AIG1: variants seen among roughly 807,000 people sequenced by gnomAD.
AIG1 encodes the protein androgen-induced gene 1 protein.
Under a neutral mutation model 31.4 loss-of-function variants are expected in AIG1, and 23 were observed. That is an observed-to-expected ratio of 0.73 (90% confidence interval 0.53 to 1.04). The LOEUF (loss-of-function observed/expected upper bound fraction) is 1.04. Among genes scored for constraint, AIG1 ranks in the 50% least tolerant of loss-of-function variants. The pLI is 0.00. For missense variants in AIG1, 274 were observed against 295.0 expected (o/e 0.93, Z 0.52); for synonymous variants, 100 against 110.5 (o/e 0.90, Z 0.60).
At chr6:143,216,647 T>A (rs1194510917) in intron 3 of AIG1, among the ~76,000 whole-genome samples, 1 of 152,322 alleles carries the variant, frequency 6.6e-6, no homozygotes, top group East Asian at 1.9e-4. Context: ...CAGAACAACA[T>A]AGTACAGATC....
chr6:143,318,207 G>T (rs1775921891), intron 4 of AIG1, among the ~76,000 whole-genome samples: 1 of 151,922 alleles, frequency 6.6e-6, no homozygotes, highest in Non-Finnish European at 1.5e-5. Flanking sequence ...AAATCTGGAG[G>T]CATCACATTA....
At chr6:143,269,550 G>A (rs1490561092) in intron 3 of AIG1, among the ~76,000 whole-genome samples, 1 of 152,150 alleles carries the variant, frequency 6.6e-6, no homozygotes, top group South Asian at 2.1e-4. Flanking sequence ...CTTGCCAAAT[G>A]CACCAAACTG....
At chr6:143,116,938 T>C (rs1287337312) in intron 1 of AIG1, among the ~76,000 whole-genome samples, 3 of 151,998 alleles carry the variant, frequency 2.0e-5, no homozygotes, top group Admixed American at 6.6e-5. Flanking sequence ...CTGTGTTGCA[T>C]AGGACAGTAT....
rs374108255 is a variant in AIG1, at chr6:143,329,847, C to T, written c.516-3435C>T. 1.3e-5 allele frequency among the ~76,000 whole-genome samples: 2 copies of T among 152,182 alleles called. No individual in the cohort carries two copies. Among genetic ancestry groups the T allele is most frequent in the East Asian group, 1.9e-4 (1 of 5,200 alleles). On this transcript the variant is annotated intron_variant, in intron 4 of 5. Coordinates refer to ENST00000357847, the MANE Select transcript of AIG1 (RefSeq NM_016108.4). The surrounding 1 kb of genome is among the most constrained non-coding windows in gnomAD (Gnocchi z 4.9). The stretch of plus-strand genomic sequence containing the variant: ...ATTGGAACACATCCACACTCGTTTA[C>T]ATATTGTCTATGGCTGCTTTTGCAC...
intron 3 of AIG1, among the ~76,000 whole-genome samples, chr6:143,197,671 C>T (rs1790364284): frequency 6.6e-6 from 1 of 152,212 alleles, no homozygotes; most frequent in African/African-American, 2.4e-5. Context: ...CACAGATCCT[C>T]TAGTCCCTTA....
At chr6:143,098,935 A>G (rs1261172514) in intron 1 of AIG1, among the ~76,000 whole-genome samples, 1 of 152,200 alleles carries the variant, frequency 6.6e-6, no homozygotes, top group Non-Finnish European at 1.5e-5. Flanking sequence ...CTGCTATACT[A>G]ATTACATGAT....
chr6:143,194,895 G>A (rs1363685099), intron 3 of AIG1, among the ~76,000 whole-genome samples: 1 of 152,230 alleles, frequency 6.6e-6, no homozygotes, highest in African/African-American at 2.4e-5. Flanking sequence ...ACTGGAAAGA[G>A]GGAGAAGCCC....
intron 3 of AIG1, among the ~76,000 whole-genome samples, chr6:143,267,832 G>T (rs1252519672): frequency 2.0e-5 from 3 of 152,174 alleles, no homozygotes; most frequent in Non-Finnish European, 2.9e-5. Context: ...ACTCATCACT[G>T]TGTACACTGG....
In AIG1 at chr6:143,179,027, A is replaced by G. The variant is rs147070827; in HGVS notation, c.399+13844A>G. Among the ~76,000 whole-genome samples the G allele has an allele frequency of 9.9e-3, 1,508 of 152,088 alleles. 21 individuals carry two copies. Among genetic ancestry groups the G allele is most frequent in the African/African-American group, 0.035 (1,442 of 41,474 alleles). On this transcript the variant is annotated intron_variant, in intron 3 of 5. Coordinates refer to ENST00000357847, the MANE Select transcript of AIG1 (RefSeq NM_016108.4). ...GCTCAACCAGGTAGATGGGGAGGGGAGAGAGAGAGAAAACCCATGGATAAG... is the reference window on the plus strand; with the variant it reads ...GCTCAACCAGGTAGATGGGGAGGGGGGAGAGAGAGAAAACCCATGGATAAG...
intron 4 of AIG1, among the ~76,000 whole-genome samples, chr6:143,332,195 C>A (rs973400163): frequency 6.6e-6 from 1 of 152,084 alleles, no homozygotes; most frequent in Admixed American, 6.6e-5. Flanking sequence ...TGTAGATAAA[C>A]CACTTAGAGT....
intron 1 of AIG1, among the ~76,000 whole-genome samples, chr6:143,073,872 T>C (rs1215767006): frequency 6.6e-6 from 1 of 152,194 alleles, no homozygotes; most frequent in East Asian, 1.9e-4. Flanking sequence ...ACAGGGATGG[T>C]GCTAAACCAT....
At chr6:143,322,219 C>G (rs1776269952) in intron 4 of AIG1, among the ~76,000 whole-genome samples, 3 of 152,108 alleles carry the variant, frequency 2.0e-5, no homozygotes, top group African/African-American at 7.2e-5. Flanking sequence ...GCTGGGATAT[C>G]AGGACATTGT....
chr6:143,129,108 G>A (rs1782968549), intron 1 of AIG1, among the ~76,000 whole-genome samples: 1 of 152,028 alleles, frequency 6.6e-6, no homozygotes, highest in African/African-American at 2.4e-5. Flanking sequence ...TGGCTGACAT[G>A]GTGAAACCCC....
rs188279030 is a variant in AIG1, at chr6:143,276,577, G to A, written c.400-7533G>A. On this transcript the variant is annotated intron_variant, in intron 3 of 5. Coordinates refer to ENST00000357847, the MANE Select transcript of AIG1 (RefSeq NM_016108.4). The stretch of plus-strand genomic sequence containing the variant: ...AGATTCTATGCCATGCTGATAGGTA[G>A]CACCAAACTAAAGCCAGCACTGGGC... 4.2e-4 allele frequency among the ~76,000 whole-genome samples: 64 copies of A among 152,258 alleles called. 1 individual carries two copies. Among genetic ancestry groups the A allele is most frequent in the Non-Finnish European group, 7.1e-4 (48 of 68,016 alleles).
intron 4 of AIG1, among the ~76,000 whole-genome samples, chr6:143,305,796 C>T (rs1332501608): frequency 1.3e-5 from 2 of 151,484 alleles, no homozygotes; most frequent in Admixed American, 6.6e-5. Flanking sequence ...CTTTCTGTCT[C>T]GTTGATCTGT....
chr6:143,143,500 C>CAAAAAA (rs60620136), intron 2 of AIG1, among the ~76,000 whole-genome samples: 4 of 27,482 alleles, frequency 1.5e-4, no homozygotes, highest in Admixed American at 9.5e-4. Flanking sequence ...GACTTCATCT[C>CAAAAAA]AAAAAAAAAA....
chr6:143,114,704 A>G (rs1323780434), intron 1 of AIG1, among the ~76,000 whole-genome samples: 1 of 152,240 alleles, frequency 6.6e-6, no homozygotes, highest in Non-Finnish European at 1.5e-5. Flanking sequence ...GTATCATGGC[A>G]TACTGTCTAC....
intron 1 of AIG1, among the ~76,000 whole-genome samples, chr6:143,129,933 CTTT>C (rs917523183): frequency 1.5e-5 from 2 of 134,778 alleles, no homozygotes; most frequent in Admixed American, 7.4e-5. Context: ...TAAATAGACA[CTTT>C]TTTTTTTTTT....
intron 1 of AIG1, among the ~76,000 whole-genome samples, chr6:143,130,004 C>G (rs1047410228): frequency 6.7e-6 from 1 of 149,350 alleles, no homozygotes; most frequent in Non-Finnish European, 1.5e-5. Flanking sequence ...GATCCTGGCT[C>G]ACTGCGACCT....
Sources: gnomAD v4.1 joint callset for allele counts (sites outside exome capture counted in the v4.1 genomes callset) on GRCh38, gnomAD v4.1.1 for gene constraint, Gnocchi (gnomAD v3.1) non-coding constraint, MANE v1.5 for transcripts, NCBI Gene and HGNC (gene_info 2026-07-23, HGNC 2026-07-21) for gene names.